The following COL5A1 variants were observed in gnomAD, a reference collection of about 807,000 sequenced individuals.
COL5A1 encodes collagen type V alpha 1 chain.
COL5A1 carries 16 observed loss-of-function variants against 263.7 expected under a neutral mutation model. That is an observed-to-expected ratio of 0.06 (90% CI 0.04 to 0.09). The LOEUF (loss-of-function observed/expected upper bound fraction) is 0.09, where lower values mean the gene tolerates loss of function less well. Among genes scored for constraint, COL5A1 ranks in the 10% least tolerant of loss-of-function variants. The pLI is 1.00. For synonymous variants in COL5A1, 1,012 were observed against 1,004.5 expected, an observed-to-expected ratio of 1.01 and a Z score of -0.14; for missense variants, 2,036 against 2,540.5, an observed-to-expected ratio of 0.80 and a Z score of 4.27.
At position 134,824,641 on chromosome 9, in the gene COL5A1, A is replaced by G. The variant is rs999637196; in HGVS notation, c.4740A>G (p.Ala1580=). The G allele has an allele frequency of 4.3e-6, 7 of 1,614,086 alleles. No individual in the cohort carries two copies. The African/African-American group carries it at 8.0e-5, about 18-fold the overall frequency. The change falls in exon 62 of 66, where the codon GCA becomes GCG. Residue 1580 remains alanine (A), a synonymous_variant. Transcript: ENST00000371817. The part of the protein sequence containing the change: ...GEVIQPLPIQ[A]SRTRRNIDAS... ...TCATCCAGCCCCTGCCAATCCAGGCATCCAGGACGCGGCGGAACATCGACG... is the reference window on the plus strand; with the variant it reads ...TCATCCAGCCCCTGCCAATCCAGGCGTCCAGGACGCGGCGGAACATCGACG...
At position 134,761,733 on chromosome 9, in the gene COL5A1, T is replaced by C. The variant is rs188895305; in HGVS notation, c.1936-192T>C. Among the ~76,000 whole-genome samples the C allele has an allele frequency of 2.3e-4, 35 of 152,248 alleles. No individual in the cohort carries two copies. In the East Asian group the frequency reaches 4.8e-3, roughly 21 times the overall value. On this transcript the variant is annotated intron_variant, in intron 18 of 65. Coordinates refer to ENST00000371817, the MANE Select transcript of COL5A1 (RefSeq NM_000093.5). ...TCAGGCCATCGTGGTGAGACTCAGG[T>C]GAGAGTCTGCAGCCTGCATTAGCCC... is the stretch of plus-strand genomic sequence containing the variant.
In COL5A1 at chr9:134,682,686, C is replaced by T. The variant is rs895747787; in HGVS notation, c.110-8226C>T. Among the ~76,000 whole-genome samples, 1 of 152,114 alleles carries T rather than the reference C, an allele frequency of 6.6e-6. No individual in the cohort carries two copies. Among genetic ancestry groups the T allele is most frequent in the Non-Finnish European group, 1.5e-5 (1 of 68,026 alleles). On this transcript the variant is annotated intron_variant, in intron 1 of 65. Coordinates refer to ENST00000371817, the MANE Select transcript of COL5A1 (RefSeq NM_000093.5). The surrounding 1 kb of genome is among the most constrained non-coding windows in gnomAD (Gnocchi z 5.1). ...GCACTGCTCCGGCTCAGGGGGGCAC[C>T]GGGACGGGGGAGCTGAGGAAAAGTC...
intron 65 of COL5A1, among the ~76,000 whole-genome samples, chr9:134,840,780 C>G (rs1840000424): frequency 6.6e-6 from 1 of 152,240 alleles, no homozygotes; most frequent in Admixed American, 6.5e-5. Flanking sequence ...ACTACACCCT[C>G]ACAGGGTGGA....
chr9:134,793,778 G>A (rs533006491), intron 32 of COL5A1, among the ~76,000 whole-genome samples: 23 of 152,290 alleles, frequency 1.5e-4, no homozygotes, highest in African/African-American at 4.6e-4. Context: ...CAGATGTTTC[G>A]TTAATTTTCA....
At chr9:134,666,900 A>G (rs1027200284) in intron 1 of COL5A1, among the ~76,000 whole-genome samples, 10 of 152,174 alleles carry the variant, frequency 6.6e-5, no homozygotes, top group Non-Finnish European at 1.5e-4. Flanking sequence ...CACGGTATAC[A>G]TGTTGAGCTG....
chr9:134,817,308 G>A (rs1025561260), intron 53 of COL5A1, among the ~76,000 whole-genome samples: 6 of 152,262 alleles, frequency 3.9e-5, no homozygotes, highest in Non-Finnish European at 8.8e-5. Flanking sequence ...GACACGGTCA[G>A]TGATATCCAT....
chr9:134,666,623 T>G (rs1832367675), intron 1 of COL5A1, among the ~76,000 whole-genome samples: 1 of 152,160 alleles, frequency 6.6e-6, no homozygotes. Context: ...TTGCCTCTCT[T>G]GTTTGGCCTC....
rs1041943183 is a variant in COL5A1, at chr9:134,716,194, G to A, written c.655-11072G>A. Among the ~76,000 whole-genome samples, 3 of 152,128 alleles carry A rather than the reference G, an allele frequency of 2.0e-5. No individual in the cohort carries two copies. The highest frequency in any genetic ancestry group is 4.4e-5 in the Non-Finnish European group (3 of 68,034). On this transcript the variant is annotated intron_variant, in intron 4 of 65. Transcript: ENST00000371817. This position sits in a 1 kb window ranked among gnomAD's most constrained non-coding sequence, Gnocchi z 4.5. ...TCCCATTTAGTCCTCTGCTCTATGA[G>A]GTAGATCTTATTATCCTCTTTTATC...
chr9:134,753,892 G>A lies in COL5A1; in HGVS notation c.1762G>A (p.Val588Met), dbSNP rs918680618. 9.9e-6 allele frequency: 16 copies of A among 1,613,586 alleles called. No homozygotes were observed. The highest frequency in any genetic ancestry group is 3.3e-5 in the South Asian group (3 of 91,044). ...SGGLKGEPGD[V>M]GPQGPRGVQG... ...AGGTTTGAAGGGCGAGCCGGGAGAC[G>A]TGGGGCCTCAGGTATGTGGGATCCT... The change falls in exon 15 of 66, where the codon GTG becomes ATG. Residue 588 changes from valine (V) to methionine (M), a missense_variant. Val to Met is a conservative substitution (Grantham distance 21, BLOSUM62 1). This residue lies in a region of COL5A1 where 1,078 missense variants were observed against 1,521.4 expected (regional missense o/e 0.71). Transcript: ENST00000371817.
At chr9:134,802,791 C>T (rs772912562) in intron 38 of COL5A1, 97 bp from the exon 39 acceptor site, 9 of 927,778 alleles carry the variant, frequency 9.7e-6, no homozygotes, top group South Asian at 7.0e-5. Flanking sequence ...CAGACCTTTG[C>T]GTCCATGACC....
At chr9:134,684,171 C>T (rs1378279700) in intron 1 of COL5A1, among the ~76,000 whole-genome samples, 4 of 152,230 alleles carry the variant, frequency 2.6e-5, no homozygotes, top group East Asian at 1.9e-4. Context: ...GTGACCGGGC[C>T]GAAGTTGCCT....
At position 134,839,357 on chromosome 9, in the gene COL5A1, C is replaced by T. The variant is rs368148826; in HGVS notation, c.5371-2800C>T. ...CTCGCAGCGGCCTACTTTAAATACG[C>T]CCCTCTCTAAGCACTCTGATAATTG... On this transcript the variant is annotated intron_variant, in intron 65 of 65. Transcript: ENST00000371817. Among the ~76,000 whole-genome samples, 52 of 152,286 alleles carry T rather than the reference C, an allele frequency of 3.4e-4. No homozygotes were observed. The East Asian group carries it at 4.2e-3, about 12-fold the overall frequency.
chr9:134,655,262 C>G (rs1296989503), intron 1 of COL5A1, among the ~76,000 whole-genome samples: 1 of 151,862 alleles, frequency 6.6e-6, no homozygotes, highest in Non-Finnish European at 1.5e-5. Flanking sequence ...GCTTTAGGGC[C>G]TGCACTTTTC....
In COL5A1 at chr9:134,759,881, C is replaced by T. The variant is rs1236178973; in HGVS notation, c.1935+1585C>T. On this transcript the variant is annotated intron_variant, in intron 18 of 65. Coordinates refer to ENST00000371817, the MANE Select transcript of COL5A1 (RefSeq NM_000093.5). ...CCCCACACTCACACATGCACACACA[C>T]CACACAGGCACACACACACCCATGC... Among the ~76,000 whole-genome samples the T allele has an allele frequency of 7.6e-5, 8 of 105,560 alleles. 1 individual carries two copies. Among genetic ancestry groups the T allele is most frequent in the Non-Finnish European group, 1.8e-5 (1 of 54,274 alleles). 69.3% of individuals were successfully genotyped at this position (105,560 alleles called of 152,430 possible). A position where few individuals can be genotyped will look rare whatever the true frequency, so the allele number is the denominator to read the frequency against.
chr9:134,820,750 C>T (rs1039824936), intron 58 of COL5A1, among the ~76,000 whole-genome samples: 2 of 152,136 alleles, frequency 1.3e-5, no homozygotes, highest in Non-Finnish European at 2.9e-5. Context: ...CTCTGAGTGA[C>T]TTGGAAGTGG....
chr9:134,809,694 G>A (rs1588575351), intron 43 of COL5A1, among the ~76,000 whole-genome samples: 1 of 152,282 alleles, frequency 6.6e-6, no homozygotes, highest in Non-Finnish European at 1.5e-5. Flanking sequence ...CCAGGCTCCC[G>A]TTCATTAAGA....
At chr9:134,671,408 A>G (rs764076956) in intron 1 of COL5A1, among the ~76,000 whole-genome samples, 1 of 152,170 alleles carries the variant, frequency 6.6e-6, no homozygotes, top group Non-Finnish European at 1.5e-5. Context: ...GCTGGTTTTG[A>G]GTCCATTTCT....
intron 36 of COL5A1, 37 bp downstream of exon 36, chr9:134,796,938 GTCCCCTCC>G (rs1564465173): frequency 4.0e-5 from 11 of 277,760 alleles, no homozygotes; most frequent in Non-Finnish European, 4.6e-5. Context: ...AGCACTGCCT[GTCCCCTCC>G]AAAACCCACC....
chr9:134,649,636 G>A (rs1831601237), intron 1 of COL5A1: 2 of 424,432 alleles, frequency 4.7e-6, no homozygotes, highest in South Asian at 1.8e-5. Flanking sequence ...GATTCCTCAA[G>A]GATCTAGAAC....
Sources: gnomAD v4.1 joint callset for allele counts (sites outside exome capture counted in the v4.1 genomes callset) on GRCh38, gnomAD v4.1.1 for gene constraint, gnomAD v4.1.1 regional missense constraint, Gnocchi (gnomAD v3.1) non-coding constraint, MANE v1.5 for transcripts, NCBI Gene and HGNC (gene_info 2026-07-23, HGNC 2026-07-21) for gene names.